The following TAF1B variants were observed in gnomAD, a reference collection of about 807,000 sequenced individuals.
The protein encoded by TAF1B is TATA-box binding protein associated factor, RNA polymerase I subunit B.
TAF1B carries 61 observed loss-of-function variants against 83.9 expected under a neutral mutation model. The observed-to-expected ratio is 0.73, with a 90% CI of 0.59 to 0.90. The LOEUF is 0.90. Among genes scored for constraint, TAF1B ranks in the 40% least tolerant of loss-of-function variants. The pLI is 0.00. For synonymous variants in TAF1B, 221 were observed against 224.6 expected, an observed-to-expected ratio of 0.98 and a Z score of 0.14; for missense variants, 625 against 677.0, an observed-to-expected ratio of 0.92 and a Z score of 0.85.
chr2:9,922,745 T>C (rs1464801326), intron 14 of TAF1B, among the ~76,000 whole-genome samples: 1 of 152,160 alleles, frequency 6.6e-6, no homozygotes, highest in African/African-American at 2.4e-5. Context: ...TTTTATTTAA[T>C]GAAAAATCCC....
At chr2:9,912,745 G>A (rs1662879448) in intron 11 of TAF1B, among the ~76,000 whole-genome samples, 1 of 152,164 alleles carries the variant, frequency 6.6e-6, no homozygotes, top group African/African-American at 2.4e-5. Context: ...GTTTAGAAAA[G>A]TTGTGATTTA....
At chr2:9,865,106 A>G (rs1663926482) in intron 5 of TAF1B, among the ~76,000 whole-genome samples, 1 of 152,174 alleles carries the variant, frequency 6.6e-6, no homozygotes. Flanking sequence ...CAGGCAGGAG[A>G]AGGAAATAAA....
intron 5 of TAF1B, among the ~76,000 whole-genome samples, chr2:9,859,192 A>G (rs1663667006): frequency 5.6e-5 from 1 of 17,806 alleles, no homozygotes; most frequent in Non-Finnish European, 1.6e-3. Context: ...TTTGCTGCTT[A>G]GAATTTCTGC....
chr2:9,857,172 C>T (rs1663591145), intron 5 of TAF1B, among the ~76,000 whole-genome samples: 1 of 152,084 alleles, frequency 6.6e-6, no homozygotes. Context: ...CATGGGATAT[C>T]TAGGGCAAGA....
chr2:9,843,999 A>G (rs1281625383), intron 1 of TAF1B, among the ~76,000 whole-genome samples: 2 of 152,096 alleles, frequency 1.3e-5, no homozygotes, highest in African/African-American at 4.8e-5. Context: ...TGTCTCCAGC[A>G]GGGATTCTAA....
At chr2:9,909,981 T>C (rs1665470973) in intron 9 of TAF1B, among the ~76,000 whole-genome samples, 1 of 152,210 alleles carries the variant, frequency 6.6e-6, no homozygotes, top group Non-Finnish European at 1.5e-5. Context: ...TTCAGTTCAG[T>C]TCCATGCAAG....
intron 12 of TAF1B, among the ~76,000 whole-genome samples, chr2:9,915,612 C>CAAAACA (rs952225512): frequency 3.9e-5 from 6 of 152,098 alleles, no homozygotes; most frequent in Admixed American, 2.0e-4. Context: ...TGGTTCAAAA[C>CAAAACA]AAAACAAAAA....
intron 5 of TAF1B, among the ~76,000 whole-genome samples, chr2:9,860,110 C>T (rs1219590505): frequency 6.6e-6 from 1 of 152,172 alleles, no homozygotes; most frequent in Non-Finnish European, 1.5e-5. Context: ...CTCACTATCA[C>T]AAGAACAGCA....
chr2:9,850,007 A>G (rs1436759406), intron 3 of TAF1B, among the ~76,000 whole-genome samples: 8 of 128,420 alleles, frequency 6.2e-5, no homozygotes, highest in Non-Finnish European at 1.3e-4. Flanking sequence ...ATACACACAC[A>G]TTAAAAAATA....
rs995301561 is a variant in TAF1B, at chr2:9,914,271, G to C, written c.1271+1022G>C. ...CAGGATTGATGCACAATGAAGAAGA[G>C]GGGTGGAGGTGAATTTATCCCAACA... On this transcript the variant is annotated intron_variant, in intron 12 of 14. Coordinates refer to ENST00000263663, the MANE Select transcript of TAF1B (RefSeq NM_005680.3). The surrounding 1 kb of genome is among the most constrained non-coding windows in gnomAD (Gnocchi z 4.3). Among the ~76,000 whole-genome samples the C allele has an allele frequency of 5.3e-5, 8 of 152,144 alleles. No homozygotes were observed. The highest frequency in any genetic ancestry group is 2.1e-4 in the South Asian group (1 of 4,814).
intron 8 of TAF1B, among the ~76,000 whole-genome samples, chr2:9,891,472 C>T (rs943439391): frequency 6.6e-6 from 1 of 152,056 alleles, no homozygotes; most frequent in African/African-American, 2.4e-5. Context: ...TAATTTAATA[C>T]ATTTATATAA....
intron 5 of TAF1B, among the ~76,000 whole-genome samples, chr2:9,866,254 A>G (rs1326013055): frequency 1.3e-5 from 2 of 152,078 alleles, no homozygotes; most frequent in Non-Finnish European, 2.9e-5. Flanking sequence ...AAAACAAACA[A>G]CCCCATGAAA....
chr2:9,856,722 AGAGTT>A (rs1290094791), intron 5 of TAF1B, among the ~76,000 whole-genome samples: 2 of 152,150 alleles, frequency 1.3e-5, no homozygotes, highest in East Asian at 1.9e-4. Context: ...AGGTTTTTCT[AGAGTT>A]GAGTAAATTC....
chr2:9,872,941 T>A (rs396416), intron 6 of TAF1B, among the ~76,000 whole-genome samples: 141,602 of 152,246 alleles, frequency 0.93, 66,726 homozygotes, highest in East Asian at 1. Context: ...CCACTGATCT[T>A]AAAGTTCTAT....
rs371475463 is a variant in TAF1B at position 9,916,837 on chromosome 2, C to CTTTT, written c.1272-2189_1272-2186dup. On this transcript the variant is annotated intron_variant, in intron 12 of 14. Coordinates refer to ENST00000263663, the MANE Select transcript of TAF1B (RefSeq NM_005680.3). ...TGATTAGAAAAATTTCCTTTCTGTT[C>CTTTT]TTTTTTTTTTTTTTTTTTGAGATGG... Among the ~76,000 whole-genome samples, 5 of 95,720 alleles carry CTTTT rather than the reference C, an allele frequency of 5.2e-5. 1 individual carries two copies. Among genetic ancestry groups the CTTTT allele is most frequent in the South Asian group, 3.7e-4 (1 of 2,728 alleles). The allele number at this position is 95,720 out of a possible 152,430, so 62.8% of individuals were successfully genotyped here.
chr2:9,850,561 TGG>T (rs936273264), intron 3 of TAF1B, among the ~76,000 whole-genome samples: 4 of 152,036 alleles, frequency 2.6e-5, no homozygotes, highest in Non-Finnish European at 5.9e-5. Context: ...TTAGCAGAGG[TGG>T]GGAGACTTTG....
At chr2:9,872,755 A>G (rs1424423642) in intron 6 of TAF1B, among the ~76,000 whole-genome samples, 1 of 152,206 alleles carries the variant, frequency 6.6e-6, no homozygotes, top group Non-Finnish European at 1.5e-5. Context: ...TGTGTACACA[A>G]CACACATTTA....
At chr2:9,853,504 G>A (rs1663465375) in intron 4 of TAF1B, among the ~76,000 whole-genome samples, 1 of 150,886 alleles carries the variant, frequency 6.6e-6, no homozygotes, top group East Asian at 1.9e-4. Flanking sequence ...GTCTTGCTCT[G>A]TCACCCAGAC....
chr2:9,844,373 G>C (rs1663132915), intron 1 of TAF1B: 1 of 151,790 alleles, frequency 6.6e-6, no homozygotes, highest in African/African-American at 2.4e-5. Context: ...GTCCAGACTG[G>C]TATTGAACTC....
Sources: gnomAD v4.1 joint callset for allele counts (sites outside exome capture counted in the v4.1 genomes callset) on GRCh38, gnomAD v4.1.1 for gene constraint, Gnocchi (gnomAD v3.1) non-coding constraint, MANE v1.5 for transcripts, NCBI Gene and HGNC (gene_info 2026-07-23, HGNC 2026-07-21) for gene names.